MLLT3: variants seen among roughly 807,000 people sequenced by gnomAD.
The protein encoded by MLLT3 is protein AF-9.
A neutral mutation model predicts 53.2 loss-of-function variants in MLLT3; 4 were observed. The observed-to-expected ratio is 0.08, with a 90% confidence interval of 0.04 to 0.17. MLLT3 has a LOEUF of 0.17. Among genes scored for constraint, MLLT3 ranks in the 10% least tolerant of loss-of-function variants. The pLI is 1.00. For missense variants in MLLT3, 569 were observed against 684.0 expected, an observed-to-expected ratio of 0.83 and a Z score of 1.87; for synonymous variants, 283 against 230.6, an observed-to-expected ratio of 1.23 and a Z score of -2.06.
chr9:20,360,965 C>T, intron 7 of MLLT3, 124 bp from the exon 8 acceptor site: 1 of 760,808 alleles, frequency 1.3e-6, no homozygotes, highest in Non-Finnish European at 2.3e-6. Context: ...TTTTAACTCA[C>T]AGCCGCTAAC....
At chr9:20,353,955 A>AT (rs137862787) in intron 9 of MLLT3, among the ~76,000 whole-genome samples, 40,735 of 151,464 alleles carry the variant, frequency 0.27, 13,166 homozygotes, top group African/African-American at 0.77. Flanking sequence ...GGCTACTTTC[A>AT]TTTTTTTTTC....
chr9:20,370,565 C>A (rs1024799462), intron 5 of MLLT3, among the ~76,000 whole-genome samples: 1 of 151,856 alleles, frequency 6.6e-6, no homozygotes, highest in African/African-American at 2.4e-5. Flanking sequence ...GGCTGCAGTA[C>A]AATGGCAGGA....
At chr9:20,596,562 AT>A (rs1428381822) in intron 2 of MLLT3, among the ~76,000 whole-genome samples, 4 of 152,160 alleles carry the variant, frequency 2.6e-5, no homozygotes, top group Non-Finnish European at 5.9e-5. Context: ...ATGGTGGTGC[AT>A]GCCTGTAGTC....
At chr9:20,355,263 G>A (rs1821143172) in intron 8 of MLLT3, among the ~76,000 whole-genome samples, 1 of 152,114 alleles carries the variant, frequency 6.6e-6, no homozygotes, top group Admixed American at 6.5e-5. Flanking sequence ...TCATTCTGCT[G>A]TTTCAGCATG....
At chr9:20,491,214 A>G (rs1384388568) in intron 2 of MLLT3, among the ~76,000 whole-genome samples, 1 of 152,182 alleles carries the variant, frequency 6.6e-6, no homozygotes, top group African/African-American at 2.4e-5. Flanking sequence ...ATCAAGAGCA[A>G]TACTTTGTCA....
At chr9:20,601,367 C>T (rs1315221327) in intron 2 of MLLT3, among the ~76,000 whole-genome samples, 1 of 152,178 alleles carries the variant, frequency 6.6e-6, no homozygotes, top group African/African-American at 2.4e-5. Context: ...CAAAGTCTCA[C>T]ACTTCACTAT....
At position 20,534,544 on chromosome 9, in the gene MLLT3, T is replaced by G. The variant is rs151060733; in HGVS notation, c.194-77758A>C. On this transcript the variant is annotated intron_variant, in intron 2 of 10. Transcript: ENST00000380338. The stretch of plus-strand genomic sequence containing the variant: ...CTCCTTGGATGAACAGAACACTGTG[T>G]TCTAACTATTCTCCTCAATAAGCAC... 3.8e-3 allele frequency among the ~76,000 whole-genome samples: 583 copies of G among 152,312 alleles called. 4 individuals are homozygous for G. The highest frequency in any genetic ancestry group is 0.013 in the African/African-American group (552 of 41,558).
intron 2 of MLLT3, among the ~76,000 whole-genome samples, chr9:20,568,170 T>G (rs777964665): frequency 6.6e-6 from 1 of 152,094 alleles, no homozygotes; most frequent in Non-Finnish European, 1.5e-5. Context: ...ATTAAAAGAT[T>G]TGATGTCTAG....
At chr9:20,373,315 T>C (rs541174878) in intron 5 of MLLT3, among the ~76,000 whole-genome samples, 1 of 152,356 alleles carries the variant, frequency 6.6e-6, no homozygotes, top group East Asian at 1.9e-4. Context: ...GGATTTGCAA[T>C]ACAATCTTCA....
chr9:20,491,870 C>A (rs1480291920), intron 2 of MLLT3, among the ~76,000 whole-genome samples: 1 of 152,070 alleles, frequency 6.6e-6, no homozygotes, highest in African/African-American at 2.4e-5. Flanking sequence ...TTGGGGAACA[C>A]AGAAGATCGT....
intron 2 of MLLT3, among the ~76,000 whole-genome samples, chr9:20,522,324 T>C (rs997994327): frequency 6.6e-6 from 1 of 151,884 alleles, no homozygotes; most frequent in Admixed American, 6.6e-5. Flanking sequence ...AAAATAGTTC[T>C]GTGCTGTATT....
chr9:20,562,987 C>T (rs2131154167), intron 2 of MLLT3, among the ~76,000 whole-genome samples: 1 of 152,268 alleles, frequency 6.6e-6, no homozygotes, highest in South Asian at 2.1e-4. Flanking sequence ...CTACCGTCCC[C>T]CATTCCCATC....
intron 4 of MLLT3, among the ~76,000 whole-genome samples, chr9:20,430,863 C>G (rs1216422593): frequency 6.6e-6 from 1 of 151,952 alleles, no homozygotes; most frequent in Non-Finnish European, 1.5e-5. Context: ...CTCCTATCTC[C>G]AGGATATTAA....
chr9:20,369,022 G>C (rs1821525829), intron 5 of MLLT3, among the ~76,000 whole-genome samples: 1 of 152,160 alleles, frequency 6.6e-6, no homozygotes, highest in Non-Finnish European at 1.5e-5. Flanking sequence ...TTAAAACACA[G>C]CCTACAGCCC....
At chr9:20,428,195 A>C (rs1424699113) in intron 4 of MLLT3, among the ~76,000 whole-genome samples, 2 of 152,116 alleles carry the variant, frequency 1.3e-5, no homozygotes, top group African/African-American at 4.8e-5. Flanking sequence ...AAATATTGAA[A>C]GGAAGTAAGT....
At chr9:20,454,080 T>C (rs1823902260) in intron 3 of MLLT3, among the ~76,000 whole-genome samples, 1 of 152,176 alleles carries the variant, frequency 6.6e-6, no homozygotes, top group Non-Finnish European at 1.5e-5. Flanking sequence ...GGAAGAGATG[T>C]TTTTCATCTC....
intron 2 of MLLT3, among the ~76,000 whole-genome samples, chr9:20,512,893 C>T (rs1466641534): frequency 6.6e-6 from 1 of 152,212 alleles, no homozygotes; most frequent in Non-Finnish European, 1.5e-5. Flanking sequence ...CATTTTGCAA[C>T]ACAAGCTATA....
chr9:20,484,493 A>G (rs1422074797), intron 2 of MLLT3, among the ~76,000 whole-genome samples: 1 of 152,168 alleles, frequency 6.6e-6, no homozygotes, highest in Non-Finnish European at 1.5e-5. Context: ...AGAAATATTT[A>G]TATACTTTTG....
rs905043280 is a variant in MLLT3 at position 20,577,045 on chromosome 9, G to A, written c.193+43609C>T. On this transcript the variant is annotated intron_variant, in intron 2 of 10. Transcript: ENST00000380338. Reference sequence around the variant, plus strand: ...ATACCTGTACTTTATTTTCAAACCAGGAGTAATCCTGCAACATTGTCCAAT... The same window carrying A: ...ATACCTGTACTTTATTTTCAAACCAAGAGTAATCCTGCAACATTGTCCAAT... Among the ~76,000 whole-genome samples the A allele has an allele frequency of 2.0e-5, 3 of 152,072 alleles. No homozygotes were observed. In the East Asian group the frequency reaches 5.8e-4, roughly 29 times the overall value.
Sources: allele counts gnomAD v4.1 joint callset (sites outside exome capture counted in the v4.1 genomes callset), GRCh38; gene constraint gnomAD v4.1.1; transcripts MANE v1.5; gene names NCBI Gene and HGNC (gene_info 2026-07-23, HGNC 2026-07-21).